EPHB1: variants seen among roughly 807,000 people sequenced by gnomAD.
EPHB1 encodes EPH receptor B1.
A neutral mutation model predicts 94.4 loss-of-function variants in EPHB1; 30 were observed. That is an observed-to-expected ratio of 0.32 (90% CI 0.24 to 0.43). The LOEUF (loss-of-function observed/expected upper bound fraction) is 0.43. Ranked by LOEUF, EPHB1 falls within the 20% of genes least tolerant of loss-of-function variation. EPHB1 has a pLI of 1.00. For missense variants in EPHB1, 1,055 were observed against 1,308.3 expected, an observed-to-expected ratio of 0.81 and a Z score of 2.99; for synonymous variants, 522 against 489.1, an observed-to-expected ratio of 1.07 and a Z score of -0.89.
At position 135,192,585 on chromosome 3, in the gene EPHB1, G is replaced by C; in HGVS notation, c.1892G>C (p.Gly631Ala). The C allele has an allele frequency of 1.2e-6, 2 of 1,613,760 alleles. No homozygotes were observed. Among genetic ancestry groups the C allele is most frequent in the South Asian group, 1.1e-5 (1 of 91,016 alleles). The change falls in exon 11 of 16, where the codon GGA becomes GCA. Residue 631 changes from glycine (G) to alanine (A), a missense_variant. Coordinates refer to ENST00000398015, the MANE Select transcript of EPHB1 (RefSeq NM_004441.5). ...IEEVIGAGEF[G>A]EVYKGRLKLP... ...ATTTTTGCTGTTGCAGGGGAGTTTGGAGAAGTGTACAAGGGGCGTTTGAAA... is the reference window on the plus strand; with the variant it reads ...ATTTTTGCTGTTGCAGGGGAGTTTGCAGAAGTGTACAAGGGGCGTTTGAAA...
intron 3 of EPHB1, among the ~76,000 whole-genome samples, chr3:134,992,500 C>T (rs116521398): frequency 4.6e-5 from 7 of 152,326 alleles, no homozygotes; most frequent in Non-Finnish European, 1.0e-4. Flanking sequence ...ACAACCATGC[C>T]ACAAATACTG....
intron 12 of EPHB1, among the ~76,000 whole-genome samples, chr3:135,216,282 C>T (rs1943146267): frequency 6.6e-6 from 1 of 152,134 alleles, no homozygotes; most frequent in Non-Finnish European, 1.5e-5. Context: ...TACATCTGCC[C>T]CCATAACAAC....
rs138495830 is a variant in EPHB1 at position 135,068,285 on chromosome 3, A to G, written c.806-38163A>G. ...TTTCAAAGTGGCTATACCATTTTAC[A>G]TTCCAGCAATGTATGAAGATTTAAT... On this transcript the variant is annotated intron_variant, in intron 3 of 15. Coordinates refer to ENST00000398015, the MANE Select transcript of EPHB1 (RefSeq NM_004441.5). 2.0e-5 allele frequency among the ~76,000 whole-genome samples: 3 copies of G among 152,324 alleles called. No homozygotes were observed. The South Asian group carries it at 6.2e-4, about 32-fold the overall frequency.
chr3:134,804,253 T>C (rs1475827641), intron 1 of EPHB1, among the ~76,000 whole-genome samples: 1 of 152,026 alleles, frequency 6.6e-6, no homozygotes, highest in Non-Finnish European at 1.5e-5. Context: ...ATTTCTTATA[T>C]GGCAGTGGTA....
chr3:134,953,009 G>T (rs1933096451), intron 3 of EPHB1, among the ~76,000 whole-genome samples: 1 of 152,098 alleles, frequency 6.6e-6, no homozygotes, highest in Non-Finnish European at 1.5e-5. Context: ...TTACAAGGAA[G>T]CCTTCCTATA....
At chr3:135,152,158 A>AT (rs1304616137) in intron 5 of EPHB1, among the ~76,000 whole-genome samples, 20 of 151,302 alleles carry the variant, frequency 1.3e-4, no homozygotes, top group Middle Eastern at 3.5e-3. Context: ...ATATTTGACT[A>AT]TTTTTTTTTC....
intron 12 of EPHB1, among the ~76,000 whole-genome samples, chr3:135,231,065 C>G (rs139425990): frequency 6.6e-6 from 1 of 152,200 alleles, no homozygotes. Context: ...ACTACCCCTG[C>G]GGGATTCCCT....
At chr3:135,152,652 G>A (rs555120590) in intron 5 of EPHB1, among the ~76,000 whole-genome samples, 2 of 152,262 alleles carry the variant, frequency 1.3e-5, no homozygotes, top group East Asian at 3.9e-4. Flanking sequence ...TTATAAGGTA[G>A]TGTTGGAAAG....
chr3:134,959,528 A>T (rs1369210041), intron 3 of EPHB1, among the ~76,000 whole-genome samples: 1 of 151,882 alleles, frequency 6.6e-6, no homozygotes, highest in Non-Finnish European at 1.5e-5. Context: ...TTTATACCTT[A>T]TTTCTTCTTG....
intron 3 of EPHB1, among the ~76,000 whole-genome samples, chr3:135,084,083 A>C (rs1400028695): frequency 6.6e-6 from 1 of 152,154 alleles, no homozygotes. Context: ...TAGCTCAGGG[A>C]TATGCCAAGA....
At chr3:135,166,257 T>C (rs967395792) in intron 8 of EPHB1, among the ~76,000 whole-genome samples, 181 bp downstream of exon 8, 3 of 152,222 alleles carry the variant, frequency 2.0e-5, no homozygotes, top group Admixed American at 6.5e-5. Context: ...AAAATTCATA[T>C]GAGAGCTGGG....
chr3:135,131,377 T>C (rs1940409340), intron 4 of EPHB1, among the ~76,000 whole-genome samples: 1 of 152,200 alleles, frequency 6.6e-6, no homozygotes, highest in Admixed American at 6.5e-5. Flanking sequence ...CCTCATTTTT[T>C]GTGTTGGCAT....
At chr3:135,037,587 G>A (rs866478007) in intron 3 of EPHB1, among the ~76,000 whole-genome samples, 1 of 152,162 alleles carries the variant, frequency 6.6e-6, no homozygotes, top group African/African-American at 2.4e-5. Context: ...TATGACCAGG[G>A]ACACCATTGA....
intron 2 of EPHB1, among the ~76,000 whole-genome samples, chr3:134,936,869 G>C (rs1211460653): frequency 6.6e-6 from 1 of 152,234 alleles, no homozygotes; most frequent in Non-Finnish European, 1.5e-5. Flanking sequence ...CAAGGCAGGG[G>C]TAGGCAGTGC....
intron 4 of EPHB1, among the ~76,000 whole-genome samples, chr3:135,127,397 C>T (rs1940248350): frequency 6.6e-6 from 1 of 152,152 alleles, no homozygotes; most frequent in Admixed American, 6.5e-5. Flanking sequence ...GTGTTTCTCC[C>T]AAGTTATAGC....
chr3:135,075,146 G>A (rs1208670004), intron 3 of EPHB1, among the ~76,000 whole-genome samples: 1 of 152,142 alleles, frequency 6.6e-6, no homozygotes, highest in Non-Finnish European at 1.5e-5. Context: ...CTTTAAGCAG[G>A]TTGATTGGAT....
chr3:134,892,433 G>A (rs2038004073), intron 1 of EPHB1, among the ~76,000 whole-genome samples: 1 of 152,220 alleles, frequency 6.6e-6, no homozygotes, highest in Admixed American at 6.5e-5. Flanking sequence ...TGCAGCAGGG[G>A]TACCAATAAC....
chr3:135,256,627 C>T (rs1163673033), intron 15 of EPHB1, among the ~76,000 whole-genome samples: 1 of 152,178 alleles, frequency 6.6e-6, no homozygotes, highest in Non-Finnish European at 1.5e-5. Context: ...GGTAACCCGA[C>T]CTTTCTCTCT....
chr3:134,974,243 C>A lies in EPHB1; in HGVS notation c.805+22191C>A, dbSNP rs551647353. On this transcript the variant is annotated intron_variant, in intron 3 of 15. Transcript: ENST00000398015. ...ACACATACATACACACACATGCGCA[C>A]AAACACACACACATACACACACGGG... Among the ~76,000 whole-genome samples the A allele has an allele frequency of 1.2e-4, 18 of 152,254 alleles. No individual in the cohort carries two copies. The South Asian group carries it at 1.5e-3, about 12-fold the overall frequency.
Sources: gnomAD v4.1 joint callset for allele counts (sites outside exome capture counted in the v4.1 genomes callset) on GRCh38, gnomAD v4.1.1 for gene constraint, MANE v1.5 for transcripts, NCBI Gene and HGNC (gene_info 2026-07-23, HGNC 2026-07-21) for gene names.